Variants in WNT7B observed in about 807,000 individuals in gnomAD.
WNT7B encodes Wnt family member 7B.
A neutral mutation model predicts 38.2 loss-of-function variants in WNT7B; 19 were observed. The observed-to-expected ratio is 0.50, with a 90% CI of 0.35 to 0.73. The LOEUF is 0.73. WNT7B is among the 30% of genes least tolerant of loss of function. The pLI, the probability that WNT7B is intolerant of heterozygous loss-of-function variation, is 0.01. For synonymous variants in WNT7B, 243 were observed against 209.3 expected (o/e 1.16, Z -1.39); for missense variants, 423 against 507.9 (o/e 0.83, Z 1.61).
chr22:45,927,295 A>G, intron 3 of WNT7B: 5 of 984,236 alleles, frequency 5.1e-6, no homozygotes, highest in Non-Finnish European at 6.0e-6. Flanking sequence ...ATTAAAGGTC[A>G]CCCCCGCCCC....
chr22:45,923,403 C>G, intron 3 of WNT7B, 68 bp from the exon 4 acceptor site: 1 of 1,527,720 alleles, frequency 6.5e-7, no homozygotes, highest in Non-Finnish European at 8.8e-7. Context: ...TTCCCCTACC[C>G]CTGCCTCTAG....
intron 1 of WNT7B, among the ~76,000 whole-genome samples, chr22:45,969,677 G>C (rs9723267): frequency 6.6e-6 from 1 of 152,084 alleles, no homozygotes; most frequent in African/African-American, 2.4e-5. Flanking sequence ...CCAGGCATGC[G>C]TCTGGGATTC....
intron 2 of WNT7B, chr22:45,936,248 T>G: frequency 1.1e-6 from 1 of 892,172 alleles, no homozygotes; most frequent in Non-Finnish European, 1.3e-6. Context: ...GAACTCAAAA[T>G]CCTCACCTTG....
At chr22:45,927,711 C>A in intron 3 of WNT7B, 1 of 677,726 alleles carries the variant, frequency 1.5e-6, no homozygotes, top group South Asian at 1.6e-5. Context: ...GCCTGGGCAA[C>A]ATGGTGAAGC....
At chr22:45,961,244 AG>A (rs1397717142) in intron 1 of WNT7B, among the ~76,000 whole-genome samples, 1 of 151,800 alleles carries the variant, frequency 6.6e-6, no homozygotes, top group Non-Finnish European at 1.5e-5. Context: ...CGTGGGGTGG[AG>A]GGGGGTGGGG....
At chr22:45,954,443 ACT>A (rs923349005) in intron 1 of WNT7B, among the ~76,000 whole-genome samples, 3 of 151,972 alleles carry the variant, frequency 2.0e-5, no homozygotes, top group Non-Finnish European at 4.4e-5. Context: ...ATTTTAAAAA[ACT>A]CTATCTATAC....
rs1932571473 is a variant in WNT7B, at chr22:45,977,155, G to A, written c.-401C>T. 2.5e-6 allele frequency: 1 copy of A among 393,322 alleles called. No homozygotes were observed. The highest frequency in any genetic ancestry group is 1.0e-4 in the South Asian group (1 of 9,656). The allele number at this position is 393,322 out of a possible 1,614,324, so 24.4% of individuals were successfully genotyped here. On this transcript the variant is annotated 5_prime_UTR_variant, in exon 1 of 4. Coordinates refer to ENST00000339464, the MANE Select transcript of WNT7B (RefSeq NM_058238.3). ...GTGTCCGCACTTGTCGGCCGCCCCA[G>A]GTGACTCGCGGCCCCGGCAAGCGAG...
intron 3 of WNT7B, among the ~76,000 whole-genome samples, chr22:45,924,151 G>A (rs1161769832): frequency 6.6e-6 from 1 of 152,228 alleles, no homozygotes; most frequent in South Asian, 2.1e-4. Context: ...CCCCACGGCT[G>A]CAGAGAGGCC....
At chr22:45,938,759 G>A (rs1931572843) in intron 2 of WNT7B, among the ~76,000 whole-genome samples, 1 of 152,120 alleles carries the variant, frequency 6.6e-6, no homozygotes, top group Admixed American at 6.5e-5. Flanking sequence ...AGCCAGAAGA[G>A]AGAACTGGAA....
At chr22:45,926,026 G>A (rs1005338976) in intron 3 of WNT7B, 2 of 985,280 alleles carry the variant, frequency 2.0e-6, no homozygotes, top group African/African-American at 3.5e-5. Flanking sequence ...GAACCCAGCT[G>A]CATGCTACTG....
At chr22:45,943,283 T>G (rs1055423065) in intron 2 of WNT7B, among the ~76,000 whole-genome samples, 3 of 152,250 alleles carry the variant, frequency 2.0e-5, no homozygotes, top group Admixed American at 6.5e-5. Context: ...CACTAAGCTC[T>G]TCCCTGCCGT....
chr22:45,946,493 C>T (rs1015987032), intron 2 of WNT7B, among the ~76,000 whole-genome samples: 2 of 152,216 alleles, frequency 1.3e-5, no homozygotes, highest in African/African-American at 4.8e-5. Flanking sequence ...CTGCCCCCAC[C>T]GTGGCAGAAC....
chr22:45,939,650 C>T, intron 2 of WNT7B, among the ~76,000 whole-genome samples: 1 of 129,486 alleles, frequency 7.7e-6, no homozygotes, highest in South Asian at 2.2e-4. Flanking sequence ...CACACACACT[C>T]ACACACACAC....
At chr22:45,968,745 T>TG in intron 1 of WNT7B, among the ~76,000 whole-genome samples, 1 of 152,258 alleles carries the variant, frequency 6.6e-6, no homozygotes, top group African/African-American at 2.4e-5. Context: ...CCACCTCCAG[T>TG]GGGGGGTCCC....
intron 3 of WNT7B, chr22:45,927,510 G>A: frequency 6.5e-7 from 1 of 1,543,336 alleles, no homozygotes; most frequent in Non-Finnish European, 8.8e-7. Flanking sequence ...TTGGAAGTAG[G>A]GCCTTTACAG....
At chr22:45,931,062 C>T (rs765296323) in intron 3 of WNT7B, 36 bp downstream of exon 3, 2 of 1,531,666 alleles carry the variant, frequency 1.3e-6, no homozygotes, top group South Asian at 2.5e-5. Context: ...ACAGCGGTCC[C>T]AGCTACGGCC....
Position 45,975,475 on chromosome 22 carries a change from G to C in WNT7B, c.71+1209C>G, listed in dbSNP as rs544390906. 2.8e-6 allele frequency: 2 copies of C among 709,390 alleles called. No individual in the cohort carries two copies. Among genetic ancestry groups the C allele is most frequent in the South Asian group, 1.5e-5 (1 of 66,500 alleles). The allele number at this position is 709,390 out of a possible 1,614,324, so 43.9% of individuals were successfully genotyped here. A position where few individuals can be genotyped will look rare whatever the true frequency, so the allele number is the denominator to read the frequency against. The stretch of plus-strand genomic sequence containing the variant: ...AGACCTGCAGGGCTCAGGCTAGGAC[G>C]GGGGCTTCCAGTCCTGCCTCTGAAG... On this transcript the variant is annotated intron_variant, in intron 1 of 3. Transcript: ENST00000339464. This position sits in a 1 kb window ranked among gnomAD's most constrained non-coding sequence, Gnocchi z 6.6.
chr22:45,943,454 G>A (rs1036825086), intron 2 of WNT7B, among the ~76,000 whole-genome samples: 10 of 152,364 alleles, frequency 6.6e-5, no homozygotes, highest in Middle Eastern at 3.4e-3. Context: ...CTGGCCTTCC[G>A]GGAGTTTTCC....
chr22:45,953,806 A>G (rs1241291328), intron 1 of WNT7B, among the ~76,000 whole-genome samples: 1 of 152,168 alleles, frequency 6.6e-6, no homozygotes. Flanking sequence ...ACCCTCACAC[A>G]TTGACGATAG....
Sources: allele counts gnomAD v4.1 joint callset (sites outside exome capture counted in the v4.1 genomes callset), GRCh38; gene constraint gnomAD v4.1.1; non-coding constraint Gnocchi (gnomAD v3.1); transcripts MANE v1.5; gene names NCBI Gene and HGNC (gene_info 2026-07-23, HGNC 2026-07-21).